ACVR1C: variants seen among roughly 807,000 people sequenced by gnomAD.
ACVR1C encodes activin A receptor type 1C.
ACVR1C carries 23 observed loss-of-function variants against 57.9 expected under a neutral mutation model. The ratio of observed to expected loss-of-function variants is 0.40; its 90% confidence interval spans 0.29 to 0.56. The LOEUF (loss-of-function observed/expected upper bound fraction) is 0.56. Among genes scored for constraint, ACVR1C ranks in the 20% least tolerant of loss-of-function variants. The pLI is 0.50. For synonymous variants in ACVR1C, 214 were observed against 215.3 expected (o/e 0.99, Z 0.05); for missense variants, 480 against 607.9 (o/e 0.79, Z 2.21).
At chr2:157,538,349 G>A (rs937491246) in intron 8 of ACVR1C, among the ~76,000 whole-genome samples, 22 of 152,120 alleles carry the variant, frequency 1.4e-4, no homozygotes, top group African/African-American at 5.1e-4. Flanking sequence ...AAGAAATAAA[G>A]TCTTGTGGAA....
chr2:157,600,686 C>T (rs888054289), intron 1 of ACVR1C, among the ~76,000 whole-genome samples: 1 of 152,022 alleles, frequency 6.6e-6, no homozygotes, highest in Non-Finnish European at 1.5e-5. Context: ...GGAAACTATC[C>T]TAAATAAGAA....
intron 3 of ACVR1C, among the ~76,000 whole-genome samples, chr2:157,555,821 G>A (rs1268085468): frequency 1.3e-5 from 2 of 152,152 alleles, no homozygotes; most frequent in East Asian, 3.9e-4. Context: ...AAGGGAAATT[G>A]CTTTTTTGCT....
At chr2:157,609,185 A>G (rs924116309) in intron 1 of ACVR1C, among the ~76,000 whole-genome samples, 1 of 151,544 alleles carries the variant, frequency 6.6e-6, no homozygotes, top group African/African-American at 2.4e-5. Flanking sequence ...ACTGGTTTCA[A>G]GACTTTTTTT....
chr2:157,552,358 C>T (rs1687943400), intron 3 of ACVR1C, among the ~76,000 whole-genome samples: 1 of 152,186 alleles, frequency 6.6e-6, no homozygotes, highest in Non-Finnish European at 1.5e-5. Flanking sequence ...GTCTCGAACT[C>T]CTGACCTCAA....
At chr2:157,620,075 T>C (rs1682735241) in intron 1 of ACVR1C, among the ~76,000 whole-genome samples, 1 of 152,092 alleles carries the variant, frequency 6.6e-6, no homozygotes, top group Non-Finnish European at 1.5e-5. Flanking sequence ...CCAGTTGTTT[T>C]AACGAAGTCA....
At chr2:157,626,785 A>C (rs1682905086) in intron 1 of ACVR1C, among the ~76,000 whole-genome samples, 3 of 152,256 alleles carry the variant, frequency 2.0e-5, no homozygotes, top group African/African-American at 7.2e-5. Context: ...AGAGGGGTAA[A>C]AACTTCTTAA....
At chr2:157,577,061 T>C (rs1688676450) in intron 2 of ACVR1C, among the ~76,000 whole-genome samples, 1 of 47,984 alleles carries the variant, frequency 2.1e-5, no homozygotes, top group Non-Finnish European at 4.7e-5. Context: ...TTCACCTTGT[T>C]AGCCAGGATG....
intron 7 of ACVR1C, 118 bp downstream of exon 7, chr2:157,540,972 C>T: frequency 8.0e-7 from 1 of 1,252,640 alleles, no homozygotes; most frequent in South Asian, 1.7e-5. Context: ...AAAAGGTATT[C>T]TCTTAAATAC....
chr2:157,577,458 A>G (rs940120661), intron 2 of ACVR1C, among the ~76,000 whole-genome samples: 1 of 152,186 alleles, frequency 6.6e-6, no homozygotes, highest in Non-Finnish European at 1.5e-5. Flanking sequence ...ATACAAATTT[A>G]GATTTCTTTA....
chr2:157,535,850 C>T (rs1239921301), intron 8 of ACVR1C, among the ~76,000 whole-genome samples: 1 of 152,154 alleles, frequency 6.6e-6, no homozygotes, highest in African/African-American at 2.4e-5. Context: ...ACGAATTCTG[C>T]CTCCAGTTTT....
At chr2:157,627,489 G>A (rs1429452347) in intron 1 of ACVR1C, among the ~76,000 whole-genome samples, 1 of 152,024 alleles carries the variant, frequency 6.6e-6, no homozygotes, top group Non-Finnish European at 1.5e-5. Context: ...GATTCTCTCA[G>A]GCCATCTGAA....
chr2:157,609,399 C>G (rs187543693), intron 1 of ACVR1C, among the ~76,000 whole-genome samples: 154 of 152,052 alleles, frequency 1.0e-3, no homozygotes, highest in Non-Finnish European at 1.4e-3. Context: ...CATGATCTCT[C>G]CTGAAGAATG....
At chr2:157,535,069 C>T (rs1212811191) in intron 8 of ACVR1C, among the ~76,000 whole-genome samples, 7 of 149,274 alleles carry the variant, frequency 4.7e-5, no homozygotes, top group Non-Finnish European at 1.0e-4. Context: ...TGCTTAGGCC[C>T]GGAAGTTCAA....
chr2:157,564,990 G>A (rs188944832), intron 2 of ACVR1C, among the ~76,000 whole-genome samples: 1 of 152,208 alleles, frequency 6.6e-6, no homozygotes, highest in African/African-American at 2.4e-5. Flanking sequence ...AGAGCATTAG[G>A]ACAAATAGCC....
chr2:157,619,151 T>C (rs1189399315), intron 1 of ACVR1C, among the ~76,000 whole-genome samples: 1 of 151,540 alleles, frequency 6.6e-6, no homozygotes, highest in African/African-American at 2.4e-5. Context: ...TGCCAGACTA[T>C]AAAACAAACA....
intron 1 of ACVR1C, among the ~76,000 whole-genome samples, chr2:157,614,030 T>C (rs1158102646): frequency 1.3e-5 from 2 of 152,242 alleles, no homozygotes; most frequent in Non-Finnish European, 2.9e-5. Flanking sequence ...AGCTATAAAA[T>C]GAATGTCTTT....
At chr2:157,553,253 G>C (rs1359425881) in intron 3 of ACVR1C, among the ~76,000 whole-genome samples, 1 of 152,132 alleles carries the variant, frequency 6.6e-6, no homozygotes, top group Non-Finnish European at 1.5e-5. Flanking sequence ...CCCATTCTCT[G>C]ATTATCAAAG....
intron 8 of ACVR1C, among the ~76,000 whole-genome samples, chr2:157,537,764 G>C (rs1191635821): frequency 1.3e-5 from 2 of 152,168 alleles, no homozygotes; most frequent in Non-Finnish European, 2.9e-5. Flanking sequence ...TAGTTAGATG[G>C]TTTAGAGTCT....
intron 1 of ACVR1C, among the ~76,000 whole-genome samples, chr2:157,609,931 T>C (rs1343972485): frequency 3.3e-5 from 5 of 152,090 alleles, no homozygotes; most frequent in African/African-American, 1.2e-4. Context: ...ATCTTTCAAG[T>C]AGAGAATTTA....
Sources: gnomAD v4.1 joint callset for allele counts (sites outside exome capture counted in the v4.1 genomes callset) on GRCh38, gnomAD v4.1.1 for gene constraint, MANE v1.5 for transcripts, NCBI Gene and HGNC (gene_info 2026-07-23, HGNC 2026-07-21) for gene names.